The following NRG1 variants were observed in gnomAD, a reference collection of about 807,000 sequenced individuals.
NRG1 encodes the protein neuregulin 1.
In NRG1, 18 loss-of-function variants were observed where a neutral mutation model predicts 63.8. That is an observed-to-expected ratio of 0.28 (90% CI 0.19 to 0.42). NRG1 has a LOEUF of 0.42. NRG1 is among the 10% of genes least tolerant of loss of function. The pLI is 1.00. For synonymous variants in NRG1, 302 were observed against 301.3 expected (o/e 1.00, Z -0.02); for missense variants, 762 against 814.7 (o/e 0.94, Z 0.79).
chr8:32,677,681 A>G (rs548894048), intron 5 of NRG1, among the ~76,000 whole-genome samples: 1 of 152,176 alleles, frequency 6.6e-6, no homozygotes, highest in East Asian at 1.9e-4. Context: ...AAATTATTCA[A>G]TCATTTATAT....
At chr8:31,865,708 C>G (rs1289718954) in intron 1 of NRG1, among the ~76,000 whole-genome samples, 1 of 152,118 alleles carries the variant, frequency 6.6e-6, no homozygotes, top group Non-Finnish European at 1.5e-5. Context: ...TTTCCTGAGG[C>G]CTCTCTAGCC....
At chr8:32,613,964 A>G (rs1361043418) in intron 3 of NRG1, among the ~76,000 whole-genome samples, 1 of 152,064 alleles carries the variant, frequency 6.6e-6, no homozygotes, top group African/African-American at 2.4e-5. Flanking sequence ...TGGGAGCTGC[A>G]TACTTACTGC....
intron 1 of NRG1, among the ~76,000 whole-genome samples, chr8:31,861,466 T>C (rs1357015476): frequency 6.6e-6 from 1 of 152,156 alleles, no homozygotes; most frequent in African/African-American, 2.4e-5. Context: ...AAACTCATTG[T>C]ATATGATTGA....
intron 1 of NRG1, among the ~76,000 whole-genome samples, chr8:31,921,499 CAG>C (rs1563569738): frequency 6.8e-6 from 1 of 146,414 alleles, no homozygotes; most frequent in Non-Finnish European, 1.5e-5. Context: ...CACACACACA[CAG>C]AGTTCTTTGT....
chr8:32,660,795 T>C (rs1397800258), intron 5 of NRG1, among the ~76,000 whole-genome samples: 8 of 152,222 alleles, frequency 5.3e-5, no homozygotes, highest in Admixed American at 1.3e-4. Context: ...ATAAAGTGTT[T>C]GGAATAGTCT....
intron 5 of NRG1, among the ~76,000 whole-genome samples, chr8:32,622,475 T>C (rs1848511374): frequency 6.6e-6 from 1 of 152,126 alleles, no homozygotes; most frequent in African/African-American, 2.4e-5. Flanking sequence ...CACTCATGGC[T>C]CACTGCAGCC....
intron 1 of NRG1, among the ~76,000 whole-genome samples, chr8:31,706,571 AT>A (rs1326849343): frequency 2.0e-4 from 30 of 152,312 alleles, no homozygotes; most frequent in African/African-American, 7.0e-4. Context: ...CAGTATTGGA[AT>A]TGCTAGGTTA....
chr8:32,545,055 C>T (rs1832945746), upstream of NRG1, among the ~76,000 whole-genome samples: 1 of 152,162 alleles, frequency 6.6e-6, no homozygotes, highest in African/African-American at 2.4e-5. Flanking sequence ...CCATTACTGT[C>T]AACATGCATA....
intron 1 of NRG1, among the ~76,000 whole-genome samples, chr8:32,000,434 T>A (rs902512941): frequency 3.3e-5 from 5 of 151,792 alleles, no homozygotes; most frequent in African/African-American, 7.3e-5. Flanking sequence ...GCCTGGCTAA[T>A]ATTTTATATA....
At chr8:32,623,117 A>C (rs965732058) in intron 5 of NRG1, among the ~76,000 whole-genome samples, 3 of 152,238 alleles carry the variant, frequency 2.0e-5, no homozygotes, top group Admixed American at 2.0e-4. Flanking sequence ...GGCACCTAAA[A>C]AAGCTAGCTG....
intron 5 of NRG1, among the ~76,000 whole-genome samples, chr8:32,713,554 C>T (rs1386387134): frequency 2.0e-5 from 3 of 151,316 alleles, no homozygotes; most frequent in Admixed American, 6.6e-5. Flanking sequence ...TTCTCCCATA[C>T]ATCCACCATC....
chr8:32,314,445 C>A (rs1430119055), intron 1 of NRG1, among the ~76,000 whole-genome samples: 1 of 10,078 alleles, frequency 9.9e-5, no homozygotes, highest in African/African-American at 1.5e-3. Context: ...GCGGTCCTCG[C>A]GTGAAGACTA....
At chr8:31,798,727 T>C (rs1452979202) in intron 1 of NRG1, among the ~76,000 whole-genome samples, 1 of 152,154 alleles carries the variant, frequency 6.6e-6, no homozygotes, top group African/African-American at 2.4e-5. Flanking sequence ...ATTTTATATA[T>C]GACAAAGTTA....
At chr8:32,007,899 G>A (rs566915630) in intron 1 of NRG1, among the ~76,000 whole-genome samples, 4 of 151,976 alleles carry the variant, frequency 2.6e-5, no homozygotes, top group African/African-American at 9.6e-5. Context: ...GCCCTGCTAT[G>A]AGTGACTGCA....
At chr8:31,848,541 A>T (rs1306431133) in intron 1 of NRG1, among the ~76,000 whole-genome samples, 1 of 152,158 alleles carries the variant, frequency 6.6e-6, no homozygotes, top group Non-Finnish European at 1.5e-5. Flanking sequence ...TCTGTTAGGA[A>T]CTGGGTCACG....
chr8:32,540,310 A>G (rs542266137), intron 1 of NRG1, among the ~76,000 whole-genome samples: 5 of 152,308 alleles, frequency 3.3e-5, no homozygotes, highest in Non-Finnish European at 5.9e-5. Flanking sequence ...AGACAGAGCT[A>G]TATTTAGCAC....
chr8:31,716,233 G>T (rs1006300899), intron 1 of NRG1, among the ~76,000 whole-genome samples: 1 of 152,050 alleles, frequency 6.6e-6, no homozygotes, highest in African/African-American at 2.4e-5. Context: ...AATTCCCTTG[G>T]GTTGTTGTTA....
chr8:31,785,067 C>A (rs766759255), intron 1 of NRG1, among the ~76,000 whole-genome samples: 6 of 152,062 alleles, frequency 3.9e-5, no homozygotes, highest in African/African-American at 1.4e-4. Flanking sequence ...GAAGGCTTTT[C>A]GTGGACTTTT....
intron 3 of NRG1, among the ~76,000 whole-genome samples, chr8:32,606,080 A>G (rs1845218730): frequency 6.7e-6 from 1 of 150,152 alleles, no homozygotes; most frequent in Non-Finnish European, 1.5e-5. Flanking sequence ...CACACAGAAT[A>G]TATGCATATT....
Sources: allele counts gnomAD v4.1 joint callset (sites outside exome capture counted in the v4.1 genomes callset), GRCh38; gene constraint gnomAD v4.1.1; transcripts MANE v1.5; gene names NCBI Gene and HGNC (gene_info 2026-07-23, HGNC 2026-07-21).